The following GLIS3 variants were observed in gnomAD, a reference collection of about 807,000 sequenced individuals.
GLIS3 encodes the protein GLIS family zinc finger 3, also known as zinc finger protein GLIS3.
GLIS3 carries 53 observed loss-of-function variants against 78.6 expected under a neutral mutation model. That is an observed-to-expected ratio of 0.67 (90% CI 0.54 to 0.85). The LOEUF is 0.85. GLIS3 is among the 40% of genes least tolerant of loss of function. The probability of loss-of-function intolerance (pLI) is 0.00; values close to 1 mark genes in which losing one functional copy is unlikely to be tolerated. For missense variants in GLIS3, 1,703 were observed against 1,231.1 expected, an observed-to-expected ratio of 1.38 and a Z score of -5.74; for synonymous variants, 684 against 509.9, an observed-to-expected ratio of 1.34 and a Z score of -4.60.
the GLIS3 span, among the ~76,000 whole-genome samples, chr9:4,376,150 C>G: frequency 6.6e-6 from 1 of 152,162 alleles, no homozygotes; most frequent in Admixed American, 6.6e-5. Context: ...TTGGTGTGCG[C>G]TCCTTCAAAG....
At chr9:4,140,581 C>G (rs1770790745) in intron 2 of GLIS3, among the ~76,000 whole-genome samples, 1 of 152,088 alleles carries the variant, frequency 6.6e-6, no homozygotes, top group Admixed American at 6.5e-5. Context: ...GGAAAGTACC[C>G]AGCTTCCTCC....
At chr9:4,106,087 A>G (rs552884852) in intron 4 of GLIS3, among the ~76,000 whole-genome samples, 6 of 152,230 alleles carry the variant, frequency 3.9e-5, no homozygotes, top group Non-Finnish European at 7.4e-5. Context: ...CACCTTTATA[A>G]CAACTTGTAT....
intron 2 of GLIS3, among the ~76,000 whole-genome samples, chr9:4,213,076 C>T (rs1820516209): frequency 6.6e-6 from 1 of 152,182 alleles, no homozygotes; most frequent in Non-Finnish European, 1.5e-5. Flanking sequence ...TGAGAAGTGG[C>T]TTGCTCCTAC....
At chr9:4,137,411 C>T (rs933549287) in intron 2 of GLIS3, among the ~76,000 whole-genome samples, 2 of 152,174 alleles carry the variant, frequency 1.3e-5, no homozygotes, top group Non-Finnish European at 2.9e-5. Flanking sequence ...GGAATGCTGT[C>T]CACCAAGTAT....
At position 4,006,211 on chromosome 9, in the gene GLIS3, C is replaced by G. The variant is rs556481768; in HGVS notation, c.1711-69022G>C. Among the ~76,000 whole-genome samples the G allele has an allele frequency of 6.6e-5, 10 of 150,954 alleles. No homozygotes were observed. In the South Asian group the frequency reaches 1.9e-3, roughly 28 times the overall value. ...CCTTTGCTGTAAACTCTCTTTTTCA[C>G]GCTCCTTGCCTTGCCTGACAGGTAA... On this transcript the variant is annotated intron_variant, in intron 4 of 10. Coordinates refer to ENST00000381971, the MANE Select transcript of GLIS3 (RefSeq NM_001042413.2).
intron 8 of GLIS3, among the ~76,000 whole-genome samples, chr9:3,860,146 G>A (rs140465348): frequency 0.012 from 1,749 of 151,860 alleles, 35 homozygotes; most frequent in African/African-American, 0.039. Flanking sequence ...GTAGTGGTGG[G>A]TGCCTGTAGT....
At chr9:4,425,568 T>C in the GLIS3 span, among the ~76,000 whole-genome samples, 3 of 152,236 alleles carry the variant, frequency 2.0e-5, no homozygotes, top group African/African-American at 7.2e-5. Context: ...GACTGCTTCC[T>C]TGCTGAGTGA....
At chr9:4,214,013 G>A (rs923893699) in intron 2 of GLIS3, among the ~76,000 whole-genome samples, 3 of 151,594 alleles carry the variant, frequency 2.0e-5, no homozygotes, top group Admixed American at 2.0e-4. Context: ...AAATAAGTAA[G>A]GCAAGGTTAA....
rs149118728 is a variant in GLIS3 at position 4,341,624 on chromosome 9, C to A, written n.264+5457G>T. On this transcript the variant is annotated intron_variant and non_coding_transcript_variant, in intron 2 of 4. Coordinates refer to the GLIS3 transcript ENST00000471664. Reference sequence around the variant, plus strand: ...CAATGCATCCAATCCAAGCTCATCCCATTTATTGATAATTTGAAAACCAAT... The same window carrying A: ...CAATGCATCCAATCCAAGCTCATCCAATTTATTGATAATTTGAAAACCAAT... Among the ~76,000 whole-genome samples, 525 of 152,340 alleles carry A rather than the reference C, an allele frequency of 3.4e-3. 3 individuals carry two copies. Among genetic ancestry groups the A allele is most frequent in the African/African-American group, 0.012 (505 of 41,582 alleles).
chr9:3,919,641 T>C (rs1316633306), intron 6 of GLIS3, among the ~76,000 whole-genome samples: 2 of 141,660 alleles, frequency 1.4e-5, no homozygotes, highest in East Asian at 4.0e-4. Flanking sequence ...AAGTAGAAGT[T>C]AAAAAATAAA....
chr9:4,384,354 CT>C, the GLIS3 span, among the ~76,000 whole-genome samples: 434 of 149,638 alleles, frequency 2.9e-3, no homozygotes, highest in African/African-American at 9.3e-3. Flanking sequence ...AAAAAAAAAA[CT>C]TTTTAGAAAT....
chr9:4,071,385 G>C (rs1827596393), intron 4 of GLIS3: 1 of 152,070 alleles, frequency 6.6e-6, no homozygotes, highest in African/African-American at 2.4e-5. Context: ...AATGATCCTA[G>C]AGAAACAGAA....
intron 4 of GLIS3, among the ~76,000 whole-genome samples, chr9:4,005,504 T>TACCA (rs1429437520): frequency 1.3e-5 from 2 of 152,206 alleles, no homozygotes; most frequent in Non-Finnish European, 2.9e-5. Context: ...ATTCTGATTC[T>TACCA]ACCACTTTCT....
At chr9:4,319,508 G>A (rs181893051) in intron 2 of GLIS3, among the ~76,000 whole-genome samples, 131 of 151,032 alleles carry the variant, frequency 8.7e-4, no homozygotes, top group African/African-American at 3.1e-3. Flanking sequence ...TGTGTAATGT[G>A]TTTTGGTAAA....
intron 2 of GLIS3, among the ~76,000 whole-genome samples, chr9:4,343,892 C>T (rs1347286634): frequency 1.3e-5 from 2 of 151,988 alleles, no homozygotes; most frequent in African/African-American, 4.8e-5. Flanking sequence ...AAGAAGGAAA[C>T]AATACACACA....
chr9:4,103,448 T>C (rs531368675), intron 4 of GLIS3, among the ~76,000 whole-genome samples: 4 of 152,242 alleles, frequency 2.6e-5, no homozygotes, highest in South Asian at 2.1e-4. Flanking sequence ...GAACACGAGA[T>C]ACCACCAAAT....
chr9:4,328,867 T>C (rs1379333764), intron 2 of GLIS3, among the ~76,000 whole-genome samples: 1 of 152,226 alleles, frequency 6.6e-6, no homozygotes, highest in Non-Finnish European at 1.5e-5. Context: ...TTCACTGTTA[T>C]TACTATTAGA....
At chr9:4,398,006 T>C in the GLIS3 span, among the ~76,000 whole-genome samples, 1 of 152,058 alleles carries the variant, frequency 6.6e-6, no homozygotes, top group Non-Finnish European at 1.5e-5. Context: ...CAAACTCAGA[T>C]GCCCCTCTCA....
At chr9:4,210,736 C>T (rs948505318) in intron 2 of GLIS3, among the ~76,000 whole-genome samples, 4 of 152,248 alleles carry the variant, frequency 2.6e-5, no homozygotes, top group African/African-American at 9.6e-5. Context: ...CCTGCAGGCC[C>T]CACTGGCTGT....
Sources: allele counts gnomAD v4.1 joint callset (sites outside exome capture counted in the v4.1 genomes callset), GRCh38; gene constraint gnomAD v4.1.1; transcripts MANE v1.5; gene names NCBI Gene and HGNC (gene_info 2026-07-23, HGNC 2026-07-21).